DMD: variants seen among roughly 807,000 people sequenced by gnomAD.
DMD encodes dystrophin, also known as mutant dystrophin.
DMD carries 63 observed loss-of-function variants against 330.1 expected under a neutral mutation model. That is an observed-to-expected ratio of 0.19 (90% CI 0.16 to 0.24). The LOEUF is 0.24. Ranked by LOEUF, DMD falls within the 10% of genes least tolerant of loss-of-function variation. The pLI, the probability that DMD is intolerant of heterozygous loss-of-function variation, is 1.00. For missense variants in DMD, 3,344 were observed against 2,684.1 expected, an observed-to-expected ratio of 1.25 and a Z score of -5.43; for synonymous variants, 1,223 against 959.8, an observed-to-expected ratio of 1.27 and a Z score of -5.07.
chrX:33,227,584 T>C (rs902496686), intron 1 of DMD, among the ~76,000 whole-genome samples: 3 of 110,924 alleles, frequency 2.7e-5, no homozygotes, highest in Non-Finnish European at 5.7e-5. Context: ...TTCTATGAAA[T>C]AAAGGGGCCC....
intron 4 of DMD, among the ~76,000 whole-genome samples, chrX:32,843,617 T>A (rs1336654722): frequency 1.8e-5 from 2 of 112,258 alleles, no homozygotes; most frequent in Admixed American, 1.9e-4. Context: ...TATTAATCTA[T>A]CCCTGCTTAT....
chrX:31,293,246 T>TGTGTGC (rs1491287970), intron 62 of DMD, among the ~76,000 whole-genome samples: 17 of 91,148 alleles, frequency 1.9e-4, no homozygotes, highest in African/African-American at 6.9e-4. Context: ...TGTGTGTGTG[T>TGTGTGC]AATCTGGTTT....
intron 53 of DMD, among the ~76,000 whole-genome samples, chrX:31,675,914 A>T: frequency 8.9e-6 from 1 of 112,628 alleles, no homozygotes. Flanking sequence ...ATTAGCAATT[A>T]TGAATCATTA....
intron 11 of DMD, among the ~76,000 whole-genome samples, chrX:32,637,171 C>T (rs779848269): frequency 9.0e-6 from 1 of 111,262 alleles, no homozygotes; most frequent in African/African-American, 3.3e-5. Flanking sequence ...TAAATTATCT[C>T]TAGTAAGAAT....
At chrX:33,062,443 AG>A (rs1402355384) in intron 1 of DMD, among the ~76,000 whole-genome samples, 3 of 112,206 alleles carry the variant, frequency 2.7e-5, no homozygotes, top group Non-Finnish European at 3.8e-5. Flanking sequence ...CTGGAATTCA[AG>A]GAGTTTATTC....
At chrX:32,682,523 C>T (rs1015199312) in intron 9 of DMD, among the ~76,000 whole-genome samples, 9 of 110,869 alleles carry the variant, frequency 8.1e-5, no homozygotes, top group Non-Finnish European at 1.7e-4. Flanking sequence ...CATATTTGAC[C>T]CCATGAATTT....
chrX:32,506,048 G>A (rs1258607470), intron 18 of DMD, among the ~76,000 whole-genome samples: 1 of 111,115 alleles, frequency 9.0e-6, no homozygotes, highest in African/African-American at 3.3e-5. Flanking sequence ...GAAAAGTATT[G>A]AGGATTTTTA....
intron 43 of DMD, among the ~76,000 whole-genome samples, chrX:32,277,517 C>A: frequency 1.8e-5 from 2 of 111,691 alleles, no homozygotes; most frequent in Middle Eastern, 9.3e-3. Context: ...GTAGAATACA[C>A]ATTCTTCTTC....
At chrX:31,140,423 T>A (rs1354938171) in intron 76 of DMD, among the ~76,000 whole-genome samples, 1 of 112,564 alleles carries the variant, frequency 8.9e-6, no homozygotes, top group African/African-American at 3.2e-5. Flanking sequence ...TTTTAACCAG[T>A]TTCCGACTTG....
At chrX:32,870,557 G>A (rs1369186577) in intron 2 of DMD, among the ~76,000 whole-genome samples, 2 of 111,498 alleles carry the variant, frequency 1.8e-5, no homozygotes, top group African/African-American at 6.5e-5. Flanking sequence ...TCATGGTACT[G>A]GTAGAAAAAC....
intron 55 of DMD, among the ~76,000 whole-genome samples, chrX:31,520,664 A>T (rs914878387): frequency 2.7e-5 from 3 of 111,004 alleles, no homozygotes; most frequent in Non-Finnish European, 5.7e-5. Flanking sequence ...TCCTTGTGCC[A>T]TGATGCAATG....
chrX:32,431,860 G>C (rs1270983978), intron 29 of DMD, among the ~76,000 whole-genome samples: 1 of 110,998 alleles, frequency 9.0e-6, no homozygotes, highest in Non-Finnish European at 1.9e-5. Context: ...GGCTTTTCTT[G>C]TGCGTGTGAG....
intron 41 of DMD, among the ~76,000 whole-genome samples, chrX:32,323,986 G>T (rs1219918059): frequency 9.0e-6 from 1 of 110,901 alleles, no homozygotes; most frequent in Non-Finnish European, 1.9e-5. Context: ...ACCAGAGGCT[G>T]GGAAGAGTGT....
At chrX:31,412,212 G>A (rs1602588782) in intron 60 of DMD, among the ~76,000 whole-genome samples, 2 of 102,698 alleles carry the variant, frequency 1.9e-5, no homozygotes, top group African/African-American at 7.3e-5. Context: ...AAAAAAGAGA[G>A]AGAGAGAGTT....
At chrX:32,860,261 T>C (rs2081975037) in intron 2 of DMD, among the ~76,000 whole-genome samples, 2 of 112,035 alleles carry the variant, frequency 1.8e-5, no homozygotes, top group Admixed American at 9.5e-5. Flanking sequence ...TGGTTTCTGA[T>C]TCTTCAGAGT....
chrX:33,267,613 A>C (rs1348303347), intron 1 of DMD, among the ~76,000 whole-genome samples: 2 of 111,978 alleles, frequency 1.8e-5, no homozygotes, highest in African/African-American at 3.2e-5. Context: ...TCACCCTACA[A>C]TAATTCACAC....
rs1004606809 is a variant in DMD, at chrX:32,421,511, T to C, written c.4072-9598A>G. Among the ~76,000 whole-genome samples the C allele has an allele frequency of 9.0e-5, 10 of 111,646 alleles. 1 individual carries two copies. Among genetic ancestry groups the C allele is most frequent in the Middle Eastern group, 8.5e-3 (2 of 235 alleles). ...GGAGTAGGTTGGGAGTGCAGAAAGA[T>C]GACTCGTGTGTTTATATGAGCATAG... On this transcript the variant is annotated intron_variant, in intron 29 of 78. Transcript: ENST00000357033.
chrX:32,946,298 AC>A (rs2090802149), intron 2 of DMD, among the ~76,000 whole-genome samples: 1 of 110,458 alleles, frequency 9.1e-6, no homozygotes, highest in Admixed American at 9.7e-5. Context: ...TAAATGGCCT[AC>A]TTTTTTTTTG....
rs188895860 is a variant in DMD at position 32,804,563 on chromosome X, G to A, written c.649+4930C>T. ...TGGGTGCAGCATCAGCAGACTAAAC[G>A]TTCTTGCCTGCCGGCTCTGAAGAGA... On this transcript the variant is annotated intron_variant, in intron 7 of 78. Coordinates refer to ENST00000357033, the MANE Select transcript of DMD (RefSeq NM_004006.3). Among the ~76,000 whole-genome samples, 324 of 112,562 alleles carry A rather than the reference G, an allele frequency of 2.9e-3. 1 individual carries two copies. The highest frequency in any genetic ancestry group is 9.9e-3 in the African/African-American group (309 of 31,061).
Sources: gnomAD v4.1 joint callset for allele counts (sites outside exome capture counted in the v4.1 genomes callset) on GRCh38, gnomAD v4.1.1 for gene constraint, MANE v1.5 for transcripts, NCBI Gene and HGNC (gene_info 2026-07-23, HGNC 2026-07-21) for gene names.